The following KRT25 variants were observed in gnomAD, a reference collection of about 807,000 sequenced individuals.
The protein encoded by KRT25 is keratin, type I cytoskeletal 25.
Under a neutral mutation model 47.6 loss-of-function variants are expected in KRT25, and 37 were observed. That is an observed-to-expected ratio of 0.78 (90% CI 0.60 to 1.02). The LOEUF (loss-of-function observed/expected upper bound fraction) is 1.02, where lower values mean the gene tolerates loss of function less well. Among genes scored for constraint, KRT25 ranks in the 50% least tolerant of loss-of-function variants. KRT25 has a pLI of 0.00. For synonymous variants in KRT25, 203 were observed against 210.2 expected, an observed-to-expected ratio of 0.97 and a Z score of 0.30; for missense variants, 542 against 550.3, an observed-to-expected ratio of 0.98 and a Z score of 0.15.
In KRT25 at chr17:40,748,248, G is replaced by A; in HGVS notation, c.*29C>T. The A allele has an allele frequency of 1.4e-6, 2 of 1,439,644 alleles. No individual in the cohort carries two copies. The highest frequency in any genetic ancestry group is 1.9e-6 in the Non-Finnish European group (2 of 1,028,910). The allele number at this position is 1,439,644 out of a possible 1,614,324, so 89.2% of individuals were successfully genotyped here. On this transcript the variant is annotated 3_prime_UTR_variant, in exon 8 of 8. Transcript: ENST00000312150. ...AATGCCTTTTCTTCGCAGGGGCTAT[G>A]TGGCATACGTTCTCTGTTGCATCTC...
intron 3 of KRT25, among the ~76,000 whole-genome samples, chr17:40,753,185 G>A (rs565369083): frequency 6.6e-6 from 1 of 152,240 alleles, no homozygotes; most frequent in East Asian, 1.9e-4. Flanking sequence ...TAGTTTTCTA[G>A]TTTAAGGATG....
At chr17:40,754,347 A>AATTGCCATGC (rs1484441933) in intron 2 of KRT25, 39 bp downstream of exon 2, 1 of 1,511,556 alleles carries the variant, frequency 6.6e-7, no homozygotes, top group South Asian at 1.1e-5. Context: ...GCGTTGCATG[A>AATTGCCATGC]ATTGCCATGA....
chr17:40,751,266 G>C lies in KRT25; in HGVS notation c.730C>G (p.Pro244Ala). 1.9e-6 allele frequency: 3 copies of C among 1,614,162 alleles called. No homozygotes were observed. Among genetic ancestry groups the C allele is most frequent in the Non-Finnish European group, 2.5e-6 (3 of 1,180,026 alleles). Residue 244 changes from proline to alanine, a missense_variant, in exon 4 of 8, where the codon CCC becomes GCC. Coordinates refer to ENST00000312150, the MANE Select transcript of KRT25 (RefSeq NM_181534.4). ...AGCAGAACTGTGAGGTCCACCCCGG[G>C]GGCTGCGTTCATCTCCACGTTCACG... is the stretch of plus-strand genomic sequence containing the variant. ...GNVNVEMNAA[P>A]GVDLTVLLNN... is the part of the protein sequence containing the mutation.
chr17:40,752,847 A>G (rs1242154443), intron 3 of KRT25, among the ~76,000 whole-genome samples: 2 of 152,234 alleles, frequency 1.3e-5, no homozygotes, highest in Non-Finnish European at 2.9e-5. Flanking sequence ...ATTTGGCTTG[A>G]CCATAGAAGT....
rs141339900 is a variant in KRT25 at position 40,750,588 on chromosome 17, G to A, written c.967C>T (p.Leu323=). The stretch of plus-strand genomic sequence containing the variant: ...TCGGTCTCTGTCAAGGAGCACTCCA[G>A]GGAGTGTTTCTGTCAGGAAGCAATA... The part of the protein sequence containing the change: ...LQSLLATKHS[L]ECSLTETESN... Residue 323 remains leucine (L), a synonymous_variant, in exon 6 of 8, where the codon CTG becomes TTG. Transcript: ENST00000312150. The A allele has an allele frequency of 4.3e-6, 7 of 1,614,212 alleles. No homozygotes were observed. The highest frequency in any genetic ancestry group is 1.6e-4 in the Middle Eastern group (1 of 6,062).
intron 6 of KRT25, 59 bp from the exon 7 acceptor site, chr17:40,749,384 C>A (rs2038025997): frequency 8.1e-7 from 1 of 1,238,434 alleles, no homozygotes; most frequent in Non-Finnish European, 1.2e-6. Context: ...TCTAGGATCA[C>A]CATATGGTTT....
chr17:40,748,126 G>C lies in KRT25; in HGVS notation c.*151C>G, dbSNP rs548315228. The stretch of plus-strand genomic sequence containing the variant: ...TGTGTGGCATTCTTCTAGATGAATG[G>C]GGAGATGCTGTCATTGATTGCCCAG... On this transcript the variant is annotated 3_prime_UTR_variant, in exon 8 of 8. Coordinates refer to ENST00000312150, the MANE Select transcript of KRT25 (RefSeq NM_181534.4). 20 of 523,710 alleles carry C rather than the reference G, an allele frequency of 3.8e-5. No individual in the cohort carries two copies. Among genetic ancestry groups the C allele is most frequent in the Middle Eastern group, 4.4e-4 (1 of 2,294 alleles). 32.4% of individuals were successfully genotyped at this position (523,710 alleles called of 1,614,324 possible). A position where few individuals can be genotyped will look rare whatever the true frequency, so the allele number is the denominator to read the frequency against.
At chr17:40,751,879 C>CGTGTGT (rs1386809186) in intron 3 of KRT25, among the ~76,000 whole-genome samples, 16 of 84,180 alleles carry the variant, frequency 1.9e-4, no homozygotes, top group African/African-American at 6.6e-4. Context: ...TGTGTGTGTG[C>CGTGTGT]GTGCGTGTGT....
intron 7 of KRT25, 72 bp from the exon 8 acceptor site, chr17:40,748,458 T>G (rs1390443683): frequency 2.1e-6 from 2 of 960,848 alleles, no homozygotes; most frequent in Non-Finnish European, 3.1e-6. Context: ...TTTAAAGGAA[T>G]AATAGGATTT....
At chr17:40,754,130 G>C (rs1460940022) in intron 2 of KRT25, 114 bp from the exon 3 acceptor site, 1 of 1,057,262 alleles carries the variant, frequency 9.5e-7, no homozygotes, top group Non-Finnish European at 1.4e-6. Flanking sequence ...GGCCACAAGA[G>C]GCATTTTCAA....
chr17:40,754,472 G>A lies in KRT25; in HGVS notation c.430-4C>T. On this transcript the variant is annotated splice_polypyrimidine_tract_variant and splice_region_variant and intron_variant, in intron 1 of 7. Transcript: ENST00000312150. ...TGCTGGTGGTGGATGCGATGATCTAGAAATGGGAATTTGACTTTTATCATG... is the reference window on the plus strand; with the variant it reads ...TGCTGGTGGTGGATGCGATGATCTAAAAATGGGAATTTGACTTTTATCATG... 1 of 1,612,634 alleles carries A rather than the reference G, an allele frequency of 6.2e-7. No individual in the cohort carries two copies. Among genetic ancestry groups the A allele is most frequent in the South Asian group, 1.1e-5 (1 of 91,022 alleles).
chr17:40,754,950 C>A lies in KRT25; in HGVS notation c.322G>T (p.Glu108Ter). The change falls in exon 1 of 8, where the codon GAG (glutamate) becomes TAG (stop). Residue 108 changes from glutamate to a stop codon, truncating the protein, a stop_gained. Coordinates refer to ENST00000312150, the MANE Select transcript of KRT25 (RefSeq NM_181534.4). LOFTEE classifies it high-confidence loss of function. ...HALEEANADL[E>*]QKIKGWYEKF... is the part of the protein sequence containing the mutation. ...TCATACCAGCCCTTGATCTTCTGCT[C>A]CAGGTCAGCGTTGGCCTCCTCCAGA... The A allele has an allele frequency of 6.2e-7, 1 of 1,614,128 alleles. No individual in the cohort carries two copies. The highest frequency in any genetic ancestry group is 1.1e-5 in the South Asian group (1 of 91,080).
intron 3 of KRT25, 55 bp downstream of exon 3, chr17:40,753,805 G>A (rs2038077069): frequency 2.7e-6 from 4 of 1,455,342 alleles, no homozygotes; most frequent in Admixed American, 3.7e-5. Context: ...ATTATCTCCT[G>A]TCAGGTGCAC....
chr17:40,751,139 G>C, intron 4 of KRT25, 26 bp downstream of exon 4: 1 of 1,614,112 alleles, frequency 6.2e-7, no homozygotes, highest in Non-Finnish European at 8.5e-7. Context: ...AACATGCAAA[G>C]GGACCGTTTT....
chr17:40,751,044 G>A lies in KRT25; in HGVS notation c.867C>T (p.Val289=). ...ASLQQQISED[V]GATTSARNEL... Reference sequence around the variant, plus strand: ...CATTCCGGGCTGAGGTTGTGGCTCCGACATCCTCAGAGATCTGCTGCTGCA... The same window carrying A: ...CATTCCGGGCTGAGGTTGTGGCTCCAACATCCTCAGAGATCTGCTGCTGCA... Residue 289 remains valine, a synonymous_variant, in exon 5 of 8, where the codon GTC becomes GTT. Transcript: ENST00000312150. 1 of 1,614,116 alleles carries A rather than the reference G, an allele frequency of 6.2e-7. No individual in the cohort carries two copies. Among genetic ancestry groups the A allele is most frequent in the Non-Finnish European group, 8.5e-7 (1 of 1,180,016 alleles).
At chr17:40,753,808 A>G in intron 3 of KRT25, 52 bp downstream of exon 3, 3 of 1,443,860 alleles carry the variant, frequency 2.1e-6, no homozygotes, top group Non-Finnish European at 2.8e-6. Context: ...ATCTCCTGTC[A>G]GGTGCACAGT....
At chr17:40,752,350 G>A (rs2038057620) in intron 3 of KRT25, among the ~76,000 whole-genome samples, 1 of 152,158 alleles carries the variant, frequency 6.6e-6, no homozygotes, top group Non-Finnish European at 1.5e-5. Flanking sequence ...TCGCTGCGAA[G>A]ACTGTGTATA....
At chr17:40,750,708 C>T in intron 5 of KRT25, 111 bp from the exon 6 acceptor site, 1 of 1,466,286 alleles carries the variant, frequency 6.8e-7, no homozygotes, top group Non-Finnish European at 9.3e-7. Context: ...TTTCAGATTT[C>T]ACATGGACAC....
chr17:40,755,085 G>T lies in KRT25; in HGVS notation c.187C>A (p.Pro63Thr). 6.2e-7 allele frequency: 1 copy of T among 1,614,110 alleles called. No individual in the cohort carries two copies. The highest frequency in any genetic ancestry group is 8.5e-7 in the Non-Finnish European group (1 of 1,180,002). ...SSGGNTGGGNPCAGFTVNERG... is the reference protein window; with the variant it reads ...SSGGNTGGGNTCAGFTVNERG... ...TCATTCACAGTGAAGCCAGCACAGG[G>T]ATTACCTCCCCCTGTGTTTCCTCCC... The change falls in exon 1 of 8, where the codon CCC (proline) becomes ACC (threonine). Residue 63 changes from proline (P) to threonine (T), a missense_variant. Physicochemically the swap from Pro to Thr is conservative, Grantham distance 38. Coordinates refer to ENST00000312150, the MANE Select transcript of KRT25 (RefSeq NM_181534.4).
Sources: gnomAD v4.1 joint callset for allele counts (sites outside exome capture counted in the v4.1 genomes callset) on GRCh38, gnomAD v4.1.1 for gene constraint, MANE v1.5 for transcripts, NCBI Gene and HGNC (gene_info 2026-07-23, HGNC 2026-07-21) for gene names.